Variants in GABRG3 observed in about 807,000 individuals in gnomAD.
GABRG3 encodes gamma-aminobutyric acid type A receptor subunit gamma3.
GABRG3 carries 25 observed loss-of-function variants against 48.8 expected under a neutral mutation model. That is an observed-to-expected ratio of 0.51 (90% CI 0.37 to 0.72). The LOEUF is 0.72. GABRG3 is among the 30% of genes least tolerant of loss of function. The probability of loss-of-function intolerance (pLI) is 0.00; values close to 1 mark genes in which losing one functional copy is unlikely to be tolerated. For synonymous variants in GABRG3, 227 were observed against 217.6 expected (o/e 1.04, Z -0.38); for missense variants, 394 against 577.9 (o/e 0.68, Z 3.26).
chr15:27,503,090 A>G (rs1349619978), intron 6 of GABRG3, among the ~76,000 whole-genome samples: 3 of 152,194 alleles, frequency 2.0e-5, no homozygotes, highest in Non-Finnish European at 4.4e-5. Context: ...AGTGAGGCTG[A>G]AAGTCCCAGC....
chr15:27,431,087 GTCTA>G lies in GABRG3; in HGVS notation c.575-49560_575-49557del, dbSNP rs199548775. Among the ~76,000 whole-genome samples the G allele has an allele frequency of 3.6e-3, 553 of 151,970 alleles. 8 individuals are homozygous for G. The highest frequency in any genetic ancestry group is 0.013 in the African/African-American group (547 of 41,480). ...CTAGACTCTCAATTCTGTTTTACTT[GTCTA>G]TCCATCTATCCTTATGACAGTAGCA... On this transcript the variant is annotated intron_variant, in intron 5 of 9. Coordinates refer to ENST00000615808, the MANE Select transcript of GABRG3 (RefSeq NM_033223.5).
chr15:26,972,530 C>T (rs994012025), intron 1 of GABRG3, among the ~76,000 whole-genome samples: 1 of 152,104 alleles, frequency 6.6e-6, no homozygotes, highest in Admixed American at 6.6e-5. Flanking sequence ...TTACCTCTTT[C>T]CCCACCCTAG....
In GABRG3 at chr15:27,307,052, T is replaced by TATATAAACATA. The variant is rs1461182072; in HGVS notation, c.271-19747_271-19746insAATATAAACAT. Among the ~76,000 whole-genome samples, 164 of 125,240 alleles carry TATATAAACATA rather than the reference T, an allele frequency of 1.3e-3. 8 individuals are homozygous for TATATAAACATA. The highest frequency in any genetic ancestry group is 5.1e-3 in the African/African-American group (154 of 29,918). 82.2% of individuals were successfully genotyped at this position (125,240 alleles called of 152,430 possible). A position where few individuals can be genotyped will look rare whatever the true frequency, so the allele number is the denominator to read the frequency against. On this transcript the variant is annotated intron_variant, in intron 3 of 9. Coordinates refer to ENST00000615808, the MANE Select transcript of GABRG3 (RefSeq NM_033223.5). ...AACATGTATAAAATAAACATGTTTA[T>TATATAAACATA]ATATAAACATGTATAATATAAACAT...
chr15:27,416,753 G>A (rs576413203), intron 5 of GABRG3, among the ~76,000 whole-genome samples: 1 of 152,242 alleles, frequency 6.6e-6, no homozygotes, highest in Admixed American at 6.5e-5. Context: ...GGTAAATTGC[G>A]GTTCTTCCTA....
At chr15:27,389,283 A>C (rs1044250170) in intron 5 of GABRG3, among the ~76,000 whole-genome samples, 3 of 152,246 alleles carry the variant, frequency 2.0e-5, no homozygotes, top group Non-Finnish European at 4.4e-5. Flanking sequence ...AAATGGTTTG[A>C]AAATATCCAG....
intron 3 of GABRG3, among the ~76,000 whole-genome samples, chr15:27,105,364 T>G (rs888629407): frequency 6.6e-6 from 1 of 152,140 alleles, no homozygotes; most frequent in Non-Finnish European, 1.5e-5. Flanking sequence ...ATACACTTCC[T>G]GAATTGTCAA....
In GABRG3 at chr15:26,977,155, G is replaced by A; in HGVS notation, c.202+5G>A. The A allele has an allele frequency of 6.2e-7, 1 of 1,606,482 alleles. No individual in the cohort carries two copies. The highest frequency in any genetic ancestry group is 8.5e-7 in the Non-Finnish European group (1 of 1,176,410). On this transcript the variant is annotated splice_donor_5th_base_variant and intron_variant, in intron 2 of 9. Transcript: ENST00000615808. The stretch of plus-strand genomic sequence containing the variant: ...AGCTGAGGCCAGATATTGGAAGTGA[G>A]TGTTGTTTTTTGTTATTCTAATAGA...
intron 5 of GABRG3, among the ~76,000 whole-genome samples, chr15:27,392,970 C>G (rs1327054443): frequency 7.2e-5 from 11 of 152,100 alleles, no homozygotes; most frequent in Non-Finnish European, 1.5e-4. Flanking sequence ...ATATTCCACA[C>G]TTATATTCTG....
intron 3 of GABRG3, among the ~76,000 whole-genome samples, chr15:27,231,774 G>C (rs931667963): frequency 6.6e-6 from 1 of 152,184 alleles, no homozygotes; most frequent in Non-Finnish European, 1.5e-5. Flanking sequence ...TTGGTAGACA[G>C]AGAATATCTA....
chr15:27,330,196 C>T (rs977524668), intron 5 of GABRG3, among the ~76,000 whole-genome samples: 1 of 152,118 alleles, frequency 6.6e-6, no homozygotes, highest in African/African-American at 2.4e-5. Flanking sequence ...GTTGAGATCG[C>T]ACCACTGCAC....
intron 2 of GABRG3, among the ~76,000 whole-genome samples, chr15:27,019,700 A>G (rs939062271): frequency 6.6e-6 from 1 of 152,130 alleles, no homozygotes; most frequent in Non-Finnish European, 1.5e-5. Context: ...CTCTTAGTTT[A>G]GGGAAAGGAA....
chr15:27,312,916 T>C (rs748429290), intron 3 of GABRG3, among the ~76,000 whole-genome samples: 30 of 151,392 alleles, frequency 2.0e-4, no homozygotes, highest in Admixed American at 1.6e-3. Flanking sequence ...AATTCTAGTC[T>C]AAAAGTTAAA....
intron 5 of GABRG3, among the ~76,000 whole-genome samples, chr15:27,413,696 T>C (rs1358283605): frequency 6.6e-6 from 1 of 152,150 alleles, no homozygotes; most frequent in African/African-American, 2.4e-5. Flanking sequence ...AGAATGTAAG[T>C]CCCAGCTGCT....
intron 3 of GABRG3, among the ~76,000 whole-genome samples, chr15:27,277,739 A>T (rs890023027): frequency 1.3e-5 from 2 of 152,214 alleles, no homozygotes; most frequent in African/African-American, 2.4e-5. Flanking sequence ...AACTACTGTA[A>T]TTCTGAATAA....
At chr15:27,501,759 T>TA (rs2150854458) in intron 6 of GABRG3, among the ~76,000 whole-genome samples, 1 of 152,252 alleles carries the variant, frequency 6.6e-6, no homozygotes, top group South Asian at 2.1e-4. Context: ...TTCTGTCTCG[T>TA]TTGGTTGTGT....
At chr15:27,110,720 C>A (rs1049585936) in intron 3 of GABRG3, among the ~76,000 whole-genome samples, 3 of 151,990 alleles carry the variant, frequency 2.0e-5, no homozygotes, top group African/African-American at 7.3e-5. Flanking sequence ...TTCTTGCTTG[C>A]ATAATTTCTG....
chr15:27,017,977 A>G (rs1036558852), intron 2 of GABRG3, among the ~76,000 whole-genome samples: 1 of 152,172 alleles, frequency 6.6e-6, no homozygotes, highest in African/African-American at 2.4e-5. Flanking sequence ...AGCCCTTCAC[A>G]TCTGCTCTGA....
intron 6 of GABRG3, among the ~76,000 whole-genome samples, chr15:27,498,727 A>G (rs539466385): frequency 4.6e-5 from 7 of 151,842 alleles, no homozygotes; most frequent in Non-Finnish European, 8.8e-5. Context: ...GCTGGTCTCA[A>G]ACTCCTGACC....
At chr15:27,202,675 C>A (rs1246831714) in intron 3 of GABRG3, among the ~76,000 whole-genome samples, 50 of 152,084 alleles carry the variant, frequency 3.3e-4, no homozygotes, top group Admixed American at 3.3e-3. Flanking sequence ...AGCATTATTT[C>A]TTACGTTAAT....
Sources: gnomAD v4.1 joint callset for allele counts (sites outside exome capture counted in the v4.1 genomes callset) on GRCh38, gnomAD v4.1.1 for gene constraint, MANE v1.5 for transcripts, NCBI Gene and HGNC (gene_info 2026-07-23, HGNC 2026-07-21) for gene names.